DCN: variants seen among roughly 807,000 people sequenced by gnomAD.
DCN encodes the protein decorin, also known as bone proteoglycan II.
Under a neutral mutation model 36.5 loss-of-function variants are expected in DCN, and 17 were observed. The observed-to-expected ratio is 0.47, with a 90% CI of 0.32 to 0.70. The LOEUF is 0.70. Among genes scored for constraint, DCN ranks in the 30% least tolerant of loss-of-function variants. The probability of loss-of-function intolerance (pLI) is 0.04; values close to 1 mark genes in which losing one functional copy is unlikely to be tolerated. For synonymous variants in DCN, 163 were observed against 161.4 expected, an observed-to-expected ratio of 1.01 and a Z score of -0.07; for missense variants, 389 against 430.1, an observed-to-expected ratio of 0.90 and a Z score of 0.84.
chr12:91,167,789 C>G (rs1013206977), intron 2 of DCN, among the ~76,000 whole-genome samples: 1 of 152,064 alleles, frequency 6.6e-6, no homozygotes, highest in Non-Finnish European at 1.5e-5. Context: ...GATCAAGAAC[C>G]AGGATAGTTT....
intron 4 of DCN, 111 bp downstream of exon 4, chr12:91,158,185 C>G (rs1005747170): frequency 1.7e-4 from 128 of 742,432 alleles, no homozygotes; most frequent in Non-Finnish European, 2.7e-5. Flanking sequence ...ATCACATAGG[C>G]TCCAGGCATG....
intron 3 of DCN, among the ~76,000 whole-genome samples, chr12:91,159,099 A>G (rs1881993607): frequency 6.6e-6 from 1 of 152,190 alleles, no homozygotes; most frequent in African/African-American, 2.4e-5. Context: ...GTACGTGTAT[A>G]TATCTATGTA....
chr12:91,161,114 C>G (rs1882128857), intron 3 of DCN, among the ~76,000 whole-genome samples: 2 of 152,122 alleles, frequency 1.3e-5, no homozygotes, highest in Admixed American at 6.5e-5. Flanking sequence ...GCTTAACATC[C>G]TCTGAATGGT....
chr12:91,166,280 C>A (rs1351283818), intron 2 of DCN, among the ~76,000 whole-genome samples: 1 of 152,088 alleles, frequency 6.6e-6, no homozygotes, highest in Non-Finnish European at 1.5e-5. Context: ...CTTATAGACA[C>A]AGTTCCCATA....
Position 91,145,900 on chromosome 12 carries a change from A to AATTTTTATTGT in DCN, c.*157_*158insACAATAAAAAT. ...GGCAAAATTTCTTTTTATTGTAGGC[A>AATTTTTATTGT]ATTACTTAAACTGGAAATTTGGCTT... is the stretch of plus-strand genomic sequence containing the variant. On this transcript the variant is annotated 3_prime_UTR_variant, in exon 8 of 8. Transcript: ENST00000052754. The AATTTTTATTGT allele has an allele frequency of 1.6e-6, 1 of 642,186 alleles. No individual in the cohort carries two copies. The highest frequency in any genetic ancestry group is 2.0e-5 in the South Asian group (1 of 51,032). The allele number at this position is 642,186 out of a possible 1,614,324, so 39.8% of individuals were successfully genotyped here.
chr12:91,181,219 C>T (rs997180496), intron 1 of DCN, among the ~76,000 whole-genome samples: 1 of 151,216 alleles, frequency 6.6e-6, no homozygotes, highest in South Asian at 2.1e-4. Context: ...TGTGTGTGTG[C>T]ATTTAACCCT....
intron 5 of DCN, among the ~76,000 whole-genome samples, chr12:91,156,221 G>A (rs1321408060): frequency 1.3e-5 from 2 of 152,144 alleles, no homozygotes; most frequent in African/African-American, 4.8e-5. Context: ...GGTCATTGCT[G>A]TGTATTTGTC....
chr12:91,165,041 G>C (rs899765183), intron 2 of DCN, among the ~76,000 whole-genome samples: 3 of 152,044 alleles, frequency 2.0e-5, no homozygotes, highest in African/African-American at 7.2e-5. Context: ...TTGTTGTATT[G>C]AAAAGTAGTT....
chr12:91,176,065 T>C (rs930242537), intron 2 of DCN: 1 of 152,130 alleles, frequency 6.6e-6, no homozygotes, highest in East Asian at 1.9e-4. Flanking sequence ...AAGAGTTAGA[T>C]AATAGTTAAA....
chr12:91,181,568 G>A (rs1379679968), intron 1 of DCN, among the ~76,000 whole-genome samples: 1 of 151,976 alleles, frequency 6.6e-6, no homozygotes, highest in African/African-American at 2.4e-5. Flanking sequence ...CTCCACTGAA[G>A]CTAGTTGCCA....
intron 2 of DCN, among the ~76,000 whole-genome samples, chr12:91,169,378 CAAAA>C (rs58056993): frequency 1.4e-5 from 1 of 73,382 alleles, no homozygotes; most frequent in Admixed American, 2.1e-4. Context: ...GAGATCCTGT[CAAAA>C]AAAAAAAAAA....
intron 2 of DCN, among the ~76,000 whole-genome samples, chr12:91,166,026 C>T (rs1882545092): frequency 6.6e-6 from 1 of 152,092 alleles, no homozygotes; most frequent in Non-Finnish European, 1.5e-5. Flanking sequence ...TGTAAACCAC[C>T]ATGGTAGCCA....
chr12:91,181,821 A>G (rs1431344758), intron 1 of DCN, among the ~76,000 whole-genome samples: 1 of 152,038 alleles, frequency 6.6e-6, no homozygotes, highest in African/African-American at 2.4e-5. Flanking sequence ...TTTTAAAATA[A>G]AGAATAAAGG....
intron 2 of DCN, chr12:91,175,741 T>C: frequency 6.6e-6 from 1 of 152,054 alleles, no homozygotes; most frequent in East Asian, 1.9e-4. Context: ...ACATTTGCCA[T>C]CCCCAACTGC....
At position 91,142,325 on chromosome 12, in the gene DCN, A is replaced by G. The variant is rs750568370; in HGVS notation, c.*3733T>C. The G allele has an allele frequency of 6.6e-6, 1 of 152,210 alleles. No homozygotes were observed. Among genetic ancestry groups the G allele is most frequent in the African/African-American group, 2.4e-5 (1 of 41,468 alleles). 9.4% of individuals were successfully genotyped at this position (152,210 alleles called of 1,614,324 possible). A position where few individuals can be genotyped will look rare whatever the true frequency, so the allele number is the denominator to read the frequency against. ...GTCTTGGACTGGGACTGCCTGGAAC[A>G]TTGGATGAATGAGAAATGACTGTAT... On this transcript the variant is annotated 3_prime_UTR_variant, in exon 8 of 8. Transcript: ENST00000052754.
chr12:91,167,933 C>T (rs1438163451), intron 2 of DCN, among the ~76,000 whole-genome samples: 1 of 152,102 alleles, frequency 6.6e-6, no homozygotes, highest in Admixed American at 6.6e-5. Flanking sequence ...CTCCGCCTCC[C>T]GATTCAAGCG....
intron 2 of DCN, among the ~76,000 whole-genome samples, chr12:91,170,134 G>A (rs1269608409): frequency 6.6e-6 from 1 of 151,616 alleles, no homozygotes; most frequent in African/African-American, 2.4e-5. Context: ...GTTTTCTTAA[G>A]TCTTTCACAG....
At chr12:91,162,186 G>A (rs1033052798) in intron 3 of DCN, among the ~76,000 whole-genome samples, 3 of 152,042 alleles carry the variant, frequency 2.0e-5, no homozygotes, top group African/African-American at 7.2e-5. Context: ...TGATCCACCC[G>A]CCTTGACCTC....
intron 2 of DCN, among the ~76,000 whole-genome samples, chr12:91,167,805 C>T (rs1354294729): frequency 6.6e-6 from 1 of 152,046 alleles, no homozygotes; most frequent in African/African-American, 2.4e-5. Context: ...AGTTTGAGTC[C>T]TCACTCCAGA....
Sources: gnomAD v4.1 joint callset for allele counts (sites outside exome capture counted in the v4.1 genomes callset) on GRCh38, gnomAD v4.1.1 for gene constraint, MANE v1.5 for transcripts, NCBI Gene and HGNC (gene_info 2026-07-23, HGNC 2026-07-21) for gene names.